The following TRRAP variants were observed in gnomAD, a reference collection of about 807,000 sequenced individuals.
TRRAP encodes transformation/transcription domain associated protein.
Under a neutral mutation model 438.8 loss-of-function variants are expected in TRRAP, and 41 were observed. The observed-to-expected ratio is 0.09, with a 90% CI of 0.07 to 0.12. The LOEUF (loss-of-function observed/expected upper bound fraction) is 0.12, where lower values mean the gene tolerates loss of function less well. Ranked by LOEUF, TRRAP falls within the 10% of genes least tolerant of loss-of-function variation. The pLI, the probability that TRRAP is intolerant of heterozygous loss-of-function variation, is 1.00. For missense variants in TRRAP, 3,122 were observed against 5,055.1 expected (o/e 0.62, Z 11.60); for synonymous variants, 1,994 against 1,962.9 (o/e 1.02, Z -0.42).
Position 98,948,215 on chromosome 7 carries a change from G to A in TRRAP, c.4549-6G>A. 6.2e-7 allele frequency: 1 copy of A among 1,613,982 alleles called. No homozygotes were observed. The highest frequency in any genetic ancestry group is 8.5e-7 in the Non-Finnish European group (1 of 1,180,032). ...CCTGTTTATAATTTCTGGTTTTCTT[G>A]ATCAGGAAATGAAGATTTGCTCAGC... is the stretch of plus-strand genomic sequence containing the variant. On this transcript the variant is annotated splice_region_variant and splice_polypyrimidine_tract_variant and intron_variant, in intron 33 of 72. Transcript: ENST00000456197. This position sits in a 1 kb window ranked among gnomAD's most constrained non-coding sequence, Gnocchi z 4.9.
chr7:98,905,936 A>G (rs782544780), intron 12 of TRRAP, among the ~76,000 whole-genome samples: 2 of 152,092 alleles, frequency 1.3e-5, no homozygotes, highest in Non-Finnish European at 2.9e-5. Context: ...TCTTAATTTG[A>G]TCTCTGACCC....
At chr7:98,997,729 AAGG>A (rs1416420201) in intron 67 of TRRAP, among the ~76,000 whole-genome samples, 22 of 152,162 alleles carry the variant, frequency 1.4e-4, no homozygotes, top group Non-Finnish European at 4.4e-5. Flanking sequence ...CCACACGCAG[AAGG>A]TAAAGAAAGA....
rs1792783984 is a variant in TRRAP at position 98,978,868 on chromosome 7, G to A, written c.8598G>A (p.Val2866=). ...TCGTCCTGGAGTGCGCCTGGCGGGT[G>A]TCCAACTGGACTGCCATGAAGGAGG... ...PYLVLECAWR[V]SNWTAMKEAL... is the part of the protein sequence containing the mutation. The change falls in exon 58 of 73, where the codon GTG becomes GTA. Residue 2866 remains valine (V), a synonymous_variant. Coordinates refer to ENST00000456197, the MANE Select transcript of TRRAP (RefSeq NM_001375524.1). 2.5e-6 allele frequency: 4 copies of A among 1,614,068 alleles called. No homozygotes were observed. In the South Asian group the frequency reaches 4.4e-5, roughly 18 times the overall value.
intron 67 of TRRAP, among the ~76,000 whole-genome samples, chr7:98,995,424 G>A (rs1793608913): frequency 6.6e-6 from 1 of 152,114 alleles, no homozygotes; most frequent in South Asian, 2.1e-4. Flanking sequence ...TATAGGGGCA[G>A]GGCCTGCAGC....
At chr7:98,983,984 A>AT in intron 60 of TRRAP, 109 bp from the exon 61 acceptor site, 2 of 1,384,290 alleles carry the variant, frequency 1.4e-6, no homozygotes, top group South Asian at 3.3e-5. Flanking sequence ...AGAGCTGCCC[A>AT]TTTTCATAAG....
chr7:98,899,352 G>T (rs1482478232), intron 8 of TRRAP, 70 bp from the exon 9 acceptor site: 18 of 1,284,924 alleles, frequency 1.4e-5, no homozygotes, highest in Non-Finnish European at 1.9e-5. Context: ...GTGATGCTCA[G>T]TGGGCACTGG....
At chr7:98,928,356 C>A (rs1452141345) in intron 23 of TRRAP, among the ~76,000 whole-genome samples, 1 of 152,210 alleles carries the variant, frequency 6.6e-6, no homozygotes, top group African/African-American at 2.4e-5. Flanking sequence ...GTCTGCAGAC[C>A]GCACTGGAGT....
chr7:98,955,362 C>G lies in TRRAP; in HGVS notation c.5937+58C>G, dbSNP rs1281470024. Reference sequence around the variant, plus strand: ...GCGTCTTCAGGCATTCACTTTGAACCTTTACCTTGTCTTGTTCTGCAATAA... The same window carrying G: ...GCGTCTTCAGGCATTCACTTTGAACGTTTACCTTGTCTTGTTCTGCAATAA... On this transcript the variant is annotated intron_variant, in intron 41 of 72. Coordinates refer to ENST00000456197, the MANE Select transcript of TRRAP (RefSeq NM_001375524.1). The G allele has an allele frequency of 3.3e-6, 5 of 1,507,568 alleles. No homozygotes were observed. In the East Asian group the frequency reaches 9.7e-5, roughly 29 times the overall value. The allele number at this position is 1,507,568 out of a possible 1,614,324, so 93.4% of individuals were successfully genotyped here.
rs1794451509 is a variant in TRRAP, at chr7:99,012,024, G to A, written c.11338-47G>A. ...CCTTGTTAGGAAGCTGCCCCTGTGG[G>A]CTGTTCTTGGTTAAACACAAGTCGT... On this transcript the variant is annotated intron_variant, in intron 72 of 72. Transcript: ENST00000456197. The surrounding 1 kb of genome is among the most constrained non-coding windows in gnomAD (Gnocchi z 5.9). 1 of 1,591,468 alleles carries A rather than the reference G, an allele frequency of 6.3e-7. No individual in the cohort carries two copies.
At chr7:98,932,265 C>T in intron 26 of TRRAP, among the ~76,000 whole-genome samples, 1 of 152,040 alleles carries the variant, frequency 6.6e-6, no homozygotes, top group African/African-American at 2.4e-5. Context: ...AGGTGCCCAC[C>T]ACCACACCCG....
chr7:98,932,601 C>A (rs950791135), intron 26 of TRRAP, among the ~76,000 whole-genome samples: 7 of 152,136 alleles, frequency 4.6e-5, no homozygotes, highest in Admixed American at 2.0e-4. Flanking sequence ...ATTTCAGCTT[C>A]CCAAAGTGTT....
chr7:98,929,981 C>A lies in TRRAP; in HGVS notation c.3176-8C>A, dbSNP rs1554412434. On this transcript the variant is annotated splice_polypyrimidine_tract_variant and splice_region_variant and intron_variant, in intron 23 of 72. Coordinates refer to ENST00000456197, the MANE Select transcript of TRRAP (RefSeq NM_001375524.1). ...TGTTCTCACGTGCCTTCCCATCTCT[C>A]CTTTTAGGCCCTTTCTTGCTGCCTT... 1 of 1,613,836 alleles carries A rather than the reference C, an allele frequency of 6.2e-7. No homozygotes were observed. Among genetic ancestry groups the A allele is most frequent in the Non-Finnish European group, 8.5e-7 (1 of 1,179,852 alleles).
Position 99,011,199 on chromosome 7 carries a change from G to A in TRRAP, c.11086G>A (p.Ala3696Thr), listed in dbSNP as rs142457501. ...CATCCAGCTGGCTCTGATAGGCTTC[G>A]CGGAATTCGTCCTGCATTTAAATAG... The part of the protein sequence containing the change: ...FTIQLALIGF[A>T]EFVLHLNRLN... The change falls in exon 71 of 73, where the codon GCG becomes ACG. Residue 3696 changes from alanine to threonine, a missense_variant. Around this residue, in one of 24 missense-constraint regions of TRRAP, gnomAD observed 192 missense variants for 355.6 expected, o/e 0.54. Coordinates refer to ENST00000456197, the MANE Select transcript of TRRAP (RefSeq NM_001375524.1). This position sits in a 1 kb window ranked among gnomAD's most constrained non-coding sequence, Gnocchi z 7.1. The A allele has an allele frequency of 1.4e-5, 22 of 1,614,110 alleles. No homozygotes were observed. Among genetic ancestry groups the A allele is most frequent in the South Asian group, 2.2e-5 (2 of 91,078 alleles).
In TRRAP at chr7:98,961,462, C is replaced by T; in HGVS notation, c.6691C>T (p.Pro2231Ser). 6.2e-7 allele frequency: 1 copy of T among 1,614,180 alleles called. No homozygotes were observed. The highest frequency in any genetic ancestry group is 8.5e-7 in the Non-Finnish European group (1 of 1,180,026). Residue 2231 changes from proline to serine, a missense_variant, in exon 46 of 73, where the codon CCA (proline) becomes TCA (serine). Coordinates refer to ENST00000456197, the MANE Select transcript of TRRAP (RefSeq NM_001375524.1). Reference protein sequence around the residue: ...SLLSRLMSIFPTEPSTSSVAS... With the variant: ...SLLSRLMSIFSTEPSTSSVAS... ...TCTCTCGCGCCTGATGAGCATTTTC[C>T]CAACAGAGCCGAGTATGTGACCTTT...
At chr7:98,996,956 C>T (rs1435266795) in intron 67 of TRRAP, among the ~76,000 whole-genome samples, 2 of 151,888 alleles carry the variant, frequency 1.3e-5, no homozygotes, top group African/African-American at 4.8e-5. Flanking sequence ...TCTGTGGACA[C>T]ACACCTAAAA....
chr7:98,910,885 G>C (rs1396881987), intron 16 of TRRAP, among the ~76,000 whole-genome samples, 192 bp from the exon 17 acceptor site: 1 of 151,420 alleles, frequency 6.6e-6, no homozygotes, highest in Non-Finnish European at 1.5e-5. Context: ...TGAACACCTA[G>C]AGGTTTTTTT....
Position 99,012,419 on chromosome 7 carries a change from C to T in TRRAP, c.*64C>T, listed in dbSNP as rs1287075587. 7 of 1,490,370 alleles carry T rather than the reference C, an allele frequency of 4.7e-6. No homozygotes were observed. The African/African-American group carries it at 7.0e-5, about 15-fold the overall frequency. 92.3% of individuals were successfully genotyped at this position (1,490,370 alleles called of 1,614,324 possible). On this transcript the variant is annotated 3_prime_UTR_variant, in exon 73 of 73. Coordinates refer to ENST00000456197, the MANE Select transcript of TRRAP (RefSeq NM_001375524.1). This position sits in a 1 kb window ranked among gnomAD's most constrained non-coding sequence, Gnocchi z 5.9. ...CCGGGCTCTGAGCCCGCAGCTTTTACGACTTCTCCCTGCCTCGTTCCTTAT... is the reference window on the plus strand; with the variant it reads ...CCGGGCTCTGAGCCCGCAGCTTTTATGACTTCTCCCTGCCTCGTTCCTTAT...
intron 2 of TRRAP, 45 bp from the exon 3 acceptor site, chr7:98,881,930 C>A: frequency 6.3e-7 from 1 of 1,585,880 alleles, no homozygotes; most frequent in Non-Finnish European, 8.6e-7. Context: ...ACATAATTTC[C>A]TTAACATAAT....
Position 99,012,382 on chromosome 7 carries a change from G to A in TRRAP, c.*27G>A, listed in dbSNP as rs1351805954. 6 of 1,566,168 alleles carry A rather than the reference G, an allele frequency of 3.8e-6. No homozygotes were observed. In the African/African-American group the frequency reaches 6.8e-5, roughly 18 times the overall value. ...TGTGGCCGCCACGGCCACCCGGAAT[G>A]TGAAGGGCGCTCCGGGCTCTGAGCC... On this transcript the variant is annotated 3_prime_UTR_variant, in exon 73 of 73. Coordinates refer to ENST00000456197, the MANE Select transcript of TRRAP (RefSeq NM_001375524.1). The surrounding 1 kb of genome is among the most constrained non-coding windows in gnomAD (Gnocchi z 5.9).
Sources: gnomAD v4.1 joint callset for allele counts (sites outside exome capture counted in the v4.1 genomes callset) on GRCh38, gnomAD v4.1.1 for gene constraint, gnomAD v4.1.1 regional missense constraint, Gnocchi (gnomAD v3.1) non-coding constraint, MANE v1.5 for transcripts, NCBI Gene and HGNC (gene_info 2026-07-23, HGNC 2026-07-21) for gene names.